Variants in HRH2 observed in about 807,000 individuals in gnomAD.
HRH2 encodes the protein histamine H2 receptor.
Under a neutral mutation model 20.1 loss-of-function variants are expected in HRH2, and 4 were observed. That is an observed-to-expected ratio of 0.20 (90% CI 0.10 to 0.45). The LOEUF is 0.45. HRH2 is among the 20% of genes least tolerant of loss of function. The pLI is 0.99. For missense variants in HRH2, 250 were observed against 461.6 expected, an observed-to-expected ratio of 0.54 and a Z score of 4.20; for synonymous variants, 197 against 200.7, an observed-to-expected ratio of 0.98 and a Z score of 0.16.
intron 2 of HRH2, among the ~76,000 whole-genome samples, chr5:175,706,344 G>A (rs938254524): frequency 2.6e-5 from 4 of 152,206 alleles, no homozygotes; most frequent in Non-Finnish European, 5.9e-5. Flanking sequence ...AGATATGACT[G>A]AATAGAGGAA....
At position 175,684,172 on chromosome 5, in the gene HRH2, C is replaced by A. The variant is rs868791234; in HGVS notation, c.939C>A (p.His313Gln). 3.7e-6 allele frequency: 6 copies of A among 1,614,100 alleles called. No individual in the cohort carries two copies. The highest frequency in any genetic ancestry group is 1.6e-4 in the Middle Eastern group (1 of 6,084). Residue 313 changes from histidine (H) to glutamine (Q), a missense_variant, in exon 2 of 3, where the codon CAC becomes CAA. His to Gln is a conservative substitution (Grantham distance 24, BLOSUM62 0). Coordinates refer to ENST00000636584, the MANE Select transcript of HRH2 (RefSeq NM_001367711.1). ...GCAGGCTGGCCAACCGCAACTCCCA[C>A]AAAACTTCTCTGAGGTCCAACGCCT... ...FCCRLANRNS[H>Q]KTSLRSNASQ...
At position 175,682,767 on chromosome 5, in the gene HRH2, G is replaced by A. The variant is rs1397569094; in HGVS notation, c.-467G>A. 1 of 164,786 alleles carries A rather than the reference G, an allele frequency of 6.1e-6. No homozygotes were observed. Among genetic ancestry groups the A allele is most frequent in the Non-Finnish European group, 1.3e-5 (1 of 74,486 alleles). The allele number at this position is 164,786 out of a possible 1,614,324, so 10.2% of individuals were successfully genotyped here. On this transcript the variant is annotated 5_prime_UTR_variant, in exon 2 of 3. Coordinates refer to ENST00000636584, the MANE Select transcript of HRH2 (RefSeq NM_001367711.1). ...CCCCAGTACTTGACTCCATCACGCA[G>A]ATGGGAGCAGGCACCAGCTATGGAG...
intron 1 of HRH2, among the ~76,000 whole-genome samples, chr5:175,665,826 C>G (rs1213148388): frequency 6.6e-6 from 1 of 152,140 alleles, no homozygotes; most frequent in East Asian, 1.9e-4. Flanking sequence ...ACCTGGCTCT[C>G]CAAGAACACC....
chr5:175,683,278 C>T lies in HRH2; in HGVS notation c.45C>T (p.Thr15=), dbSNP rs17065306. 10,101 of 1,613,970 alleles carry T rather than the reference C, an allele frequency of 6.3e-3. 521 individuals are homozygous for T. In the African/African-American group the frequency reaches 0.11, roughly 18 times the overall value. ...CCTCTTCCTTTTGCCTGGACTCTAC[C>T]GCATGCAAGATCACCATCACCGTGG... ...GTASSFCLDS[T]ACKITITVVL... Residue 15 remains threonine, a synonymous_variant, in exon 2 of 3, where the codon ACC becomes ACT. Transcript: ENST00000636584.
intron 1 of HRH2, among the ~76,000 whole-genome samples, chr5:175,668,501 A>G (rs1441740996): frequency 7.9e-5 from 12 of 152,180 alleles, no homozygotes; most frequent in East Asian, 1.9e-4. Flanking sequence ...AGGCTGGGTT[A>G]TTAGCCCCAT....
intron 2 of HRH2, chr5:175,685,280 C>T (rs149303919): frequency 3.5e-4 from 278 of 785,534 alleles, no homozygotes; most frequent in Non-Finnish European, 4.6e-4. Context: ...CGAGGAAGCT[C>T]GCTGTGAGGA....
rs1423368763 is a variant in HRH2 at position 175,677,196 on chromosome 5, C to T, written c.-525-5513C>T. 2.6e-5 allele frequency among the ~76,000 whole-genome samples: 4 copies of T among 151,962 alleles called. No individual in the cohort carries two copies. The highest frequency in any genetic ancestry group is 5.9e-5 in the Non-Finnish European group (4 of 67,974). On this transcript the variant is annotated intron_variant, in intron 1 of 2. Coordinates refer to ENST00000636584, the MANE Select transcript of HRH2 (RefSeq NM_001367711.1). This position sits in a 1 kb window ranked among gnomAD's most constrained non-coding sequence, Gnocchi z 4.2. ...TTTTTGTAGATATAGGGTCTCACTA[C>T]GTTGCCCAGGCTGGTCTCAAATTCC...
chr5:175,697,279 C>G (rs190367286), intron 2 of HRH2, among the ~76,000 whole-genome samples: 270 of 151,942 alleles, frequency 1.8e-3, no homozygotes, highest in Middle Eastern at 3.4e-3. Context: ...CTGGCTAACA[C>G]GGTGAAACCC....
At chr5:175,660,689 A>G (rs1415556204) in intron 1 of HRH2, among the ~76,000 whole-genome samples, 1 of 152,192 alleles carries the variant, frequency 6.6e-6, no homozygotes, top group Non-Finnish European at 1.5e-5. Context: ...GATTGAAAAA[A>G]AGGTAACTTA....
At chr5:175,670,224 G>A (rs766686917) in intron 1 of HRH2, among the ~76,000 whole-genome samples, 31 of 152,212 alleles carry the variant, frequency 2.0e-4, no homozygotes, top group Non-Finnish European at 4.0e-4. Flanking sequence ...CTTGAGCCCA[G>A]CAGTCCAAGA....
intron 1 of HRH2, among the ~76,000 whole-genome samples, chr5:175,666,616 A>G (rs749564881): frequency 1.3e-5 from 2 of 152,040 alleles, no homozygotes; most frequent in Non-Finnish European, 2.9e-5. Flanking sequence ...TTTTTTGTAG[A>G]GACAAGGTTT....
chr5:175,675,235 C>T (rs1198386772), intron 1 of HRH2, among the ~76,000 whole-genome samples: 1 of 152,098 alleles, frequency 6.6e-6, no homozygotes, highest in African/African-American at 2.4e-5. Context: ...CTTTATATGC[C>T]AATTTGTAGT....
intron 1 of HRH2, among the ~76,000 whole-genome samples, chr5:175,679,107 C>G (rs181535332): frequency 2.7e-4 from 41 of 152,272 alleles, no homozygotes; most frequent in African/African-American, 9.1e-4. Context: ...CTGTGGAAAT[C>G]TTCACCCTCC....
Position 175,683,945 on chromosome 5 carries a change from G to A in HRH2, c.712G>A (p.Ala238Thr), listed in dbSNP as rs779426112. The change falls in exon 2 of 3, where the codon GCC (alanine) becomes ACC (threonine). Residue 238 changes from alanine to threonine, a missense_variant. Transcript: ENST00000636584. ...REHKATVTLA[A>T]VMGAFIICWF... ...GCACAAAGCCACAGTGACACTGGCC[G>A]CCGTCATGGGGGCCTTCATCATCTG... is the stretch of plus-strand genomic sequence containing the variant. The A allele has an allele frequency of 8.7e-6, 14 of 1,614,060 alleles. No homozygotes were observed. Among genetic ancestry groups the A allele is most frequent in the African/African-American group, 2.7e-5 (2 of 74,928 alleles).
At chr5:175,705,775 G>C (rs1337615073) in intron 2 of HRH2, among the ~76,000 whole-genome samples, 1 of 151,944 alleles carries the variant, frequency 6.6e-6, no homozygotes, top group Non-Finnish European at 1.5e-5. Context: ...CGATCCTCCT[G>C]CTTCAGCCTC....
intron 2 of HRH2, among the ~76,000 whole-genome samples, chr5:175,702,847 G>A (rs570967594): frequency 4.9e-4 from 74 of 151,658 alleles, no homozygotes; most frequent in Admixed American, 8.5e-4. Flanking sequence ...GATTACAGGC[G>A]TGAGCCACTG....
intron 2 of HRH2, among the ~76,000 whole-genome samples, chr5:175,699,816 G>T (rs577502069): frequency 1.5e-3 from 227 of 152,210 alleles, no homozygotes; most frequent in Non-Finnish European, 2.5e-3. Flanking sequence ...CTCGTGATCC[G>T]CCCGCCTCAG....
rs1488223451 is a variant in HRH2 at position 175,683,265 on chromosome 5, G to A, written c.32G>A (p.Cys11Tyr). Residue 11 changes from cysteine (C) to tyrosine (Y), a missense_variant, in exon 2 of 3, where the codon TGC becomes TAC. By Grantham distance (194) the Cys-to-Tyr change is radical. Coordinates refer to ENST00000636584, the MANE Select transcript of HRH2 (RefSeq NM_001367711.1). The part of the protein sequence containing the change: MAPNGTASSF[C>Y]LDSTACKITI... ...CCCAATGGCACAGCCTCTTCCTTTT[G>A]CCTGGACTCTACCGCATGCAAGATC... The A allele has an allele frequency of 6.2e-7, 1 of 1,614,058 alleles. No individual in the cohort carries two copies. The highest frequency in any genetic ancestry group is 8.5e-7 in the Non-Finnish European group (1 of 1,179,988).
At chr5:175,690,546 C>T (rs755690047) in intron 2 of HRH2, among the ~76,000 whole-genome samples, 1 of 152,124 alleles carries the variant, frequency 6.6e-6, no homozygotes, top group Non-Finnish European at 1.5e-5. Flanking sequence ...TGTCTGCCTG[C>T]CTGCCTGCCT....
Sources: allele counts gnomAD v4.1 joint callset (sites outside exome capture counted in the v4.1 genomes callset), GRCh38; gene constraint gnomAD v4.1.1; non-coding constraint Gnocchi (gnomAD v3.1); transcripts MANE v1.5; gene names NCBI Gene and HGNC (gene_info 2026-07-23, HGNC 2026-07-21).